Variants in LMO7 observed in about 807,000 individuals in gnomAD.
LMO7 encodes LIM domain only protein 7.
A neutral mutation model predicts 206.5 loss-of-function variants in LMO7; 120 were observed. The ratio of observed to expected loss-of-function variants is 0.58; its 90% CI spans 0.50 to 0.68. LMO7 has a LOEUF of 0.68. Among genes scored for constraint, LMO7 ranks in the 30% least tolerant of loss-of-function variants. LMO7 has a pLI of 0.00. For synonymous variants in LMO7, 706 were observed against 681.5 expected, an observed-to-expected ratio of 1.04 and a Z score of -0.56; for missense variants, 1,959 against 1,957.9, an observed-to-expected ratio of 1.00 and a Z score of -0.01.
chr13:75,765,316 C>G (rs1362454775), intron 4 of LMO7, among the ~76,000 whole-genome samples: 1 of 119,458 alleles, frequency 8.4e-6, no homozygotes, highest in Non-Finnish European at 1.8e-5. Context: ...CCTAGTTTTA[C>G]TTTTTTTTTT....
chr13:75,624,789 T>G (rs1278773634), intron 2 of LMO7, among the ~76,000 whole-genome samples: 1 of 152,138 alleles, frequency 6.6e-6, no homozygotes, highest in African/African-American at 2.4e-5. Context: ...CATGATTCAA[T>G]TACCTCCCAC....
chr13:75,846,691 GT>G (rs1409332242), intron 26 of LMO7, among the ~76,000 whole-genome samples: 2 of 152,104 alleles, frequency 1.3e-5, no homozygotes, highest in African/African-American at 4.8e-5. Flanking sequence ...TTGTATATAT[GT>G]TTTCCCCCCT....
chr13:75,811,653 G>A lies in LMO7; in HGVS notation c.1946+2470G>A, dbSNP rs976889259. ...ATTTCTGGCTTGCTCTTTGTTTGGC[G>A]TTTAACACCTGTCAGTTTGTCTGTT... On this transcript the variant is annotated intron_variant, in intron 11 of 30. Transcript: ENST00000377534. Among the ~76,000 whole-genome samples, 6 of 152,258 alleles carry A rather than the reference G, an allele frequency of 3.9e-5. No individual in the cohort carries two copies. In the South Asian group the frequency reaches 8.3e-4, roughly 21 times the overall value.
chr13:75,743,857 C>T (rs988038495), intron 3 of LMO7, among the ~76,000 whole-genome samples: 1 of 152,034 alleles, frequency 6.6e-6, no homozygotes, highest in African/African-American at 2.4e-5. Context: ...AGAACAAAAA[C>T]CCCACGAAAA....
chr13:75,742,581 C>T (rs2046502714), intron 3 of LMO7, among the ~76,000 whole-genome samples: 1 of 152,132 alleles, frequency 6.6e-6, no homozygotes, highest in South Asian at 2.1e-4. Context: ...CACTTACAAC[C>T]ATCTGATCTT....
At chr13:75,669,635 A>C (rs1027326475) in intron 1 of LMO7, among the ~76,000 whole-genome samples, 1 of 152,154 alleles carries the variant, frequency 6.6e-6, no homozygotes, top group Non-Finnish European at 1.5e-5. Context: ...CACTTGATAT[A>C]CTATACCCTT....
chr13:75,833,406 C>T (rs144051953), intron 16 of LMO7, among the ~76,000 whole-genome samples: 1 of 152,098 alleles, frequency 6.6e-6, no homozygotes, highest in Non-Finnish European at 1.5e-5. Flanking sequence ...TGTGATTTTA[C>T]AGATTTTATC....
chr13:75,835,622 C>T (rs1327271259), intron 18 of LMO7, among the ~76,000 whole-genome samples: 2 of 152,142 alleles, frequency 1.3e-5, no homozygotes, highest in African/African-American at 4.8e-5. Context: ...ATTAGACCCA[C>T]CTCTCAGATC....
chr13:75,708,971 C>CGGTGT (rs1224872832), intron 1 of LMO7, among the ~76,000 whole-genome samples: 2 of 152,098 alleles, frequency 1.3e-5, no homozygotes, highest in Admixed American at 1.3e-4. Flanking sequence ...CAACAGGCCC[C>CGGTGT]GGTGTGTGAT....
At chr13:75,684,488 G>T (rs963301433) in intron 1 of LMO7, among the ~76,000 whole-genome samples, 1 of 150,354 alleles carries the variant, frequency 6.7e-6, no homozygotes, top group Non-Finnish European at 1.5e-5. Context: ...CAGGTGATCC[G>T]CCCTCCTTGG....
intron 15 of LMO7, among the ~76,000 whole-genome samples, chr13:75,831,930 A>C (rs1013723459): frequency 3.9e-5 from 6 of 152,182 alleles, no homozygotes; most frequent in African/African-American, 1.2e-4. Context: ...ACTTGTTTTA[A>C]ACCTGTTTTA....
chr13:75,633,214 C>A (rs1272198176), upstream of LMO7, among the ~76,000 whole-genome samples: 1 of 152,104 alleles, frequency 6.6e-6, no homozygotes, highest in Non-Finnish European at 1.5e-5. Flanking sequence ...TTTCCATTTT[C>A]TTTCATCATT....
chr13:75,755,489 G>A (rs993024597), intron 3 of LMO7, among the ~76,000 whole-genome samples: 4 of 151,924 alleles, frequency 2.6e-5, no homozygotes, highest in African/African-American at 7.3e-5. Flanking sequence ...TTAAATGCTG[G>A]TGGTTGACTG....
At chr13:75,676,835 A>G (rs2040055263) in intron 1 of LMO7, among the ~76,000 whole-genome samples, 1 of 152,292 alleles carries the variant, frequency 6.6e-6, no homozygotes, top group East Asian at 1.9e-4. Flanking sequence ...TTCTTTGATG[A>G]TTGCACATAA....
rs117170496 is a variant in LMO7, at chr13:75,638,898, C to T, written c.69+2172C>T. On this transcript the variant is annotated intron_variant, in intron 1 of 30. Transcript: ENST00000377534. Reference sequence around the variant, plus strand: ...TGTGTATTTGTAAAGTATTCTTTCCCCTGCTTGCTGATAGTCTTGCTACAT... The same window carrying T: ...TGTGTATTTGTAAAGTATTCTTTCCTCTGCTTGCTGATAGTCTTGCTACAT... Among the ~76,000 whole-genome samples, 3 of 152,140 alleles carry T rather than the reference C, an allele frequency of 2.0e-5. No individual in the cohort carries two copies. In the East Asian group the frequency reaches 5.8e-4, roughly 29 times the overall value.
rs181791501 is a variant in LMO7 at position 75,808,076 on chromosome 13, T to A, written c.1793T>A (p.Leu598Gln). The A allele has an allele frequency of 9.9e-6, 16 of 1,613,966 alleles. No individual in the cohort carries two copies. In the East Asian group the frequency reaches 3.6e-4, roughly 36 times the overall value. The change falls in exon 10 of 31, where the codon CTG becomes CAG. Residue 598 changes from leucine to glutamine, a missense_variant. Coordinates refer to ENST00000377534, the MANE Select transcript of LMO7 (RefSeq NM_001306080.2). ...MLTRKIQSWK[L>Q]GTTVPPISFT... ...ACACGTAAGATTCAGTCCTGGAAAC[T>A]GGGAACTACCGTGCCTCCCATCAGT...
rs531434844 is a variant in LMO7, at chr13:75,822,420, A to C, written c.2640+811A>C. On this transcript the variant is annotated intron_variant, in intron 14 of 30. Coordinates refer to ENST00000377534, the MANE Select transcript of LMO7 (RefSeq NM_001306080.2). ...GGCAGACCCCCTTAATGTAGTCAAAAGACAATATATAGACTCAGAAAAATA... is the reference window on the plus strand; with the variant it reads ...GGCAGACCCCCTTAATGTAGTCAAACGACAATATATAGACTCAGAAAAATA... 1.8e-3 allele frequency among the ~76,000 whole-genome samples: 281 copies of C among 152,290 alleles called. 1 individual carries two copies. The highest frequency in any genetic ancestry group is 3.2e-3 in the Non-Finnish European group (220 of 68,008).
At chr13:75,672,881 T>C (rs1773644080) in intron 1 of LMO7, among the ~76,000 whole-genome samples, 2 of 152,336 alleles carry the variant, frequency 1.3e-5, no homozygotes, top group South Asian at 4.1e-4. Flanking sequence ...AGCTCTTTCC[T>C]TATAGAAATT....
At position 75,807,581 on chromosome 13, in the gene LMO7, C is replaced by A; in HGVS notation, c.1298C>A (p.Thr433Asn). The A allele has an allele frequency of 6.2e-7, 1 of 1,613,980 alleles. No individual in the cohort carries two copies. Among genetic ancestry groups the A allele is most frequent in the Admixed American group, 1.7e-5 (1 of 60,026 alleles). The change falls in exon 10 of 31, where the codon ACC becomes AAC. Residue 433 changes from threonine to asparagine, a missense_variant. Physicochemically the swap from Thr to Asn is moderately conservative, Grantham distance 65. Coordinates refer to ENST00000377534, the MANE Select transcript of LMO7 (RefSeq NM_001306080.2). ...IDPTSGPRLI[T>N]RRKNLSYAPG... ...CCCACTTCTGGCCCAAGGCTCATAA[C>A]CCGCAGGAAGAATCTCTCTTATGCA...
Sources: gnomAD v4.1 joint callset for allele counts (sites outside exome capture counted in the v4.1 genomes callset) on GRCh38, gnomAD v4.1.1 for gene constraint, MANE v1.5 for transcripts, NCBI Gene and HGNC (gene_info 2026-07-23, HGNC 2026-07-21) for gene names.